TTC27: variants seen among roughly 807,000 people sequenced by gnomAD.
TTC27 encodes the protein tetratricopeptide repeat domain 27, also known as tetratricopeptide repeat protein 27.
Under a neutral mutation model 115.9 loss-of-function variants are expected in TTC27, and 79 were observed. The observed-to-expected ratio is 0.68, with a 90% CI of 0.57 to 0.82. The LOEUF is 0.82. TTC27 is among the 40% of genes least tolerant of loss of function. TTC27 has a pLI of 0.00. For missense variants in TTC27, 1,054 were observed against 993.1 expected (o/e 1.06, Z -0.82); for synonymous variants, 401 against 356.0 (o/e 1.13, Z -1.42).
rs200400515 is a variant in TTC27, at chr2:32,666,933, G to GT, written c.939+174dup. 9.7e-3 allele frequency among the ~76,000 whole-genome samples: 1,432 copies of GT among 148,236 alleles called. 16 individuals are homozygous for GT. The highest frequency in any genetic ancestry group is 0.016 in the Non-Finnish European group (1,049 of 67,172). ...CAGGGAGAACTGGTGTTTAACTGGT[G>GT]TTTTTTTTTCCTAACCTGTGATAGA... On this transcript the variant is annotated intron_variant, in intron 7 of 19. Coordinates refer to ENST00000317907, the MANE Select transcript of TTC27 (RefSeq NM_017735.5).
intron 9 of TTC27, among the ~76,000 whole-genome samples, chr2:32,683,773 G>A (rs1036856102): frequency 1.3e-5 from 2 of 152,190 alleles, no homozygotes; most frequent in Admixed American, 1.3e-4. Context: ...GCCACGTCAT[G>A]ACATTTAGTA....
At position 32,736,714 on chromosome 2, in the gene TTC27, C is replaced by T. The variant is rs1199273037; in HGVS notation, c.1350C>T (p.Leu450=). The T allele has an allele frequency of 6.2e-7, 1 of 1,613,816 alleles. No homozygotes were observed. Among genetic ancestry groups the T allele is most frequent in the South Asian group, 1.1e-5 (1 of 91,036 alleles). Residue 450 remains leucine, a synonymous_variant, in exon 12 of 20, where the codon CTC becomes CTT. Coordinates refer to ENST00000317907, the MANE Select transcript of TTC27 (RefSeq NM_017735.5). The part of the protein sequence containing the change: ...WAIQRQLASL[L]FELGCTSSAL... ...TCTAGCGCCAACTTGCAAGTTTGCTCTTTGAGTTGGGATGTACCAGTTCAG... is the reference window on the plus strand; with the variant it reads ...TCTAGCGCCAACTTGCAAGTTTGCTTTTTGAGTTGGGATGTACCAGTTCAG...
At chr2:32,678,539 T>G (rs934732196) in intron 8 of TTC27, among the ~76,000 whole-genome samples, 5 of 152,080 alleles carry the variant, frequency 3.3e-5, no homozygotes, top group African/African-American at 1.2e-4. Context: ...GCCATTCTCC[T>G]GCCTCAGCCT....
At chr2:32,646,014 C>G (rs967434604) in intron 4 of TTC27, among the ~76,000 whole-genome samples, 1 of 140,430 alleles carries the variant, frequency 7.1e-6, no homozygotes, top group Middle Eastern at 4.5e-3. Context: ...CCACAGTGCC[C>G]GGCCTCAATT....
At chr2:32,788,271 C>T (rs1336280020) in intron 16 of TTC27, among the ~76,000 whole-genome samples, 1 of 152,130 alleles carries the variant, frequency 6.6e-6, no homozygotes, top group Admixed American at 6.6e-5. Flanking sequence ...ATCCAACACT[C>T]CTCATTTAGA....
intron 2 of TTC27, among the ~76,000 whole-genome samples, chr2:32,632,737 A>T (rs1330310614): frequency 1.3e-5 from 2 of 152,058 alleles, no homozygotes; most frequent in Non-Finnish European, 2.9e-5. Flanking sequence ...GTGGGGAAAA[A>T]AGTGATTACT....
At chr2:32,767,108 C>G (rs1669654602) in intron 13 of TTC27, among the ~76,000 whole-genome samples, 1 of 152,046 alleles carries the variant, frequency 6.6e-6, no homozygotes, top group African/African-American at 2.4e-5. Context: ...AAAGCAAATC[C>G]CATACATCAA....
intron 10 of TTC27, among the ~76,000 whole-genome samples, chr2:32,710,135 C>T (rs1415596009): frequency 6.6e-6 from 1 of 152,094 alleles, no homozygotes; most frequent in African/African-American, 2.4e-5. Context: ...CCCATCTCAG[C>T]CTCCCGAGTA....
Position 32,634,012 on chromosome 2 carries a change from T to G in TTC27, c.396+7T>G, listed in dbSNP as rs1271787435. 1.2e-6 allele frequency: 2 copies of G among 1,608,736 alleles called. No homozygotes were observed. Among genetic ancestry groups the G allele is most frequent in the Non-Finnish European group, 1.7e-6 (2 of 1,178,156 alleles). The stretch of plus-strand genomic sequence containing the variant: ...GTTCCAGCAATTCAGTGAGGTATGC[T>G]TCTTGAAAATGTTGTATGTAATTAT... On this transcript the variant is annotated splice_region_variant and intron_variant, in intron 3 of 19. Coordinates refer to ENST00000317907, the MANE Select transcript of TTC27 (RefSeq NM_017735.5).
At position 32,817,553 on chromosome 2, in the gene TTC27, C is replaced by G; in HGVS notation, c.2405C>G (p.Ala802Gly). ...RLNLRGLLSK[A>G]KQLFTDVATG... Reference sequence around the variant, plus strand: ...AATTTACGGGGCTTGTTATCTAAAGCAAAGGTGAGAGTGACATGTGAATTA... The same window carrying G: ...AATTTACGGGGCTTGTTATCTAAAGGAAAGGTGAGAGTGACATGTGAATTA... The change falls in exon 19 of 20, where the codon GCA becomes GGA. Residue 802 changes from alanine to glycine, a missense_variant. Transcript: ENST00000317907. 1 of 1,612,104 alleles carries G rather than the reference C, an allele frequency of 6.2e-7. No homozygotes were observed. Among genetic ancestry groups the G allele is most frequent in the Non-Finnish European group, 8.5e-7 (1 of 1,178,228 alleles).
chr2:32,778,133 CT>C (rs1670060184), intron 14 of TTC27, among the ~76,000 whole-genome samples, 153 bp downstream of exon 14: 1 of 152,020 alleles, frequency 6.6e-6, no homozygotes, highest in Non-Finnish European at 1.5e-5. Context: ...ATTTATAAAT[CT>C]GGAAATAAGT....
intron 9 of TTC27, among the ~76,000 whole-genome samples, chr2:32,696,134 A>T (rs1036078911): frequency 2.6e-4 from 39 of 150,172 alleles, no homozygotes; most frequent in Non-Finnish European, 4.6e-4. Flanking sequence ...AAAAAAAAAA[A>T]AAAAATAATT....
At chr2:32,732,226 A>G (rs774248698) in intron 10 of TTC27, among the ~76,000 whole-genome samples, 5 of 152,224 alleles carry the variant, frequency 3.3e-5, no homozygotes, top group Non-Finnish European at 5.9e-5. Context: ...AGCTTTGGGC[A>G]GCAGCATGCA....
intron 10 of TTC27, among the ~76,000 whole-genome samples, chr2:32,717,283 A>C (rs1559220003): frequency 6.6e-6 from 1 of 151,982 alleles, no homozygotes; most frequent in Non-Finnish European, 1.5e-5. Flanking sequence ...CTATATGTTG[A>C]TTTTTTTAAA....
At chr2:32,815,018 T>C (rs1269434504) in intron 18 of TTC27, among the ~76,000 whole-genome samples, 1 of 152,150 alleles carries the variant, frequency 6.6e-6, no homozygotes, top group Non-Finnish European at 1.5e-5. Context: ...GACCTTGACA[T>C]AGTATTTGAG....
intron 3 of TTC27, among the ~76,000 whole-genome samples, chr2:32,634,666 AT>A (rs201601475): frequency 6.6e-6 from 1 of 150,698 alleles, no homozygotes; most frequent in Non-Finnish European, 1.5e-5. Context: ...TAATTAATTA[AT>A]TTTTTTTGAG....
chr2:32,702,691 T>G (rs531733231), intron 9 of TTC27, 116 bp from the exon 10 acceptor site: 1 of 660,678 alleles, frequency 1.5e-6, no homozygotes, highest in African/African-American at 1.8e-5. Context: ...GGGAAGATTT[T>G]CAAATCTGTG....
chr2:32,678,883 G>T lies in TTC27; in HGVS notation c.1080G>T (p.Val360=), dbSNP rs780789230. The part of the protein sequence containing the change: ...ICTNFQKNNP[V]HTLTEVELLA... The stretch of plus-strand genomic sequence containing the variant: ...CTAATTTTCAAAAGAATAACCCAGT[G>T]CACACATTAACTGAAGTGGAGCTTC... The change falls in exon 9 of 20, where the codon GTG becomes GTT. Residue 360 remains valine, a synonymous_variant. Transcript: ENST00000317907. The T allele has an allele frequency of 6.2e-7, 1 of 1,613,146 alleles. No individual in the cohort carries two copies. The highest frequency in any genetic ancestry group is 1.7e-4 in the Middle Eastern group (1 of 6,056).
chr2:32,701,061 T>C lies in TTC27; in HGVS notation c.1120-1746T>C, dbSNP rs185140296. ...AACTATTTCAAGGGGATGAAAATAT[T>C]TTAATTTGCAAAGTTAATTATAGAA... On this transcript the variant is annotated intron_variant, in intron 9 of 19. Transcript: ENST00000317907. Among the ~76,000 whole-genome samples the C allele has an allele frequency of 2.6e-5, 4 of 152,320 alleles. No individual in the cohort carries two copies. In the East Asian group the frequency reaches 7.7e-4, roughly 29 times the overall value.
Sources: allele counts gnomAD v4.1 joint callset (sites outside exome capture counted in the v4.1 genomes callset), GRCh38; gene constraint gnomAD v4.1.1; transcripts MANE v1.5; gene names NCBI Gene and HGNC (gene_info 2026-07-23, HGNC 2026-07-21).